The following IGF2BP1 variants were observed in gnomAD, a reference collection of about 807,000 sequenced individuals.
IGF2BP1 encodes insulin-like growth factor 2 mRNA-binding protein 1.
In IGF2BP1, 11 loss-of-function variants were observed where a neutral mutation model predicts 74.9. That is an observed-to-expected ratio of 0.15 (90% CI 0.09 to 0.24). The LOEUF (loss-of-function observed/expected upper bound fraction) is 0.24. Ranked by LOEUF, IGF2BP1 falls within the 10% of genes least tolerant of loss-of-function variation. The pLI, the probability that IGF2BP1 is intolerant of heterozygous loss-of-function variation, is 1.00. For missense variants in IGF2BP1, 440 were observed against 757.4 expected (o/e 0.58, Z 4.92); for synonymous variants, 287 against 281.8 (o/e 1.02, Z -0.18).
At position 49,055,062 on chromosome 17, in the gene IGF2BP1, C is replaced by G. The variant is rs2144188500; in HGVS notation, c.*5618C>G. On this transcript the variant is annotated 3_prime_UTR_variant, in exon 15 of 15. Transcript: ENST00000290341. ...AATTAGGTAGTGGCAGCTCCACTTG[C>G]TTAGGTTAGGGGGGGAAAAAGATTT... The G allele has an allele frequency of 7.0e-6, 1 of 142,922 alleles. No individual in the cohort carries two copies. Among genetic ancestry groups the G allele is most frequent in the African/African-American group, 2.6e-5 (1 of 38,024 alleles). The allele number at this position is 142,922 out of a possible 1,614,324, so 8.9% of individuals were successfully genotyped here.
intron 4 of IGF2BP1, among the ~76,000 whole-genome samples, chr17:49,028,411 C>A (rs1352975206): frequency 6.6e-6 from 1 of 152,194 alleles, no homozygotes; most frequent in Admixed American, 6.5e-5. Context: ...ATCTATCAAA[C>A]ACATTCTAAC....
At chr17:49,022,393 T>TC (rs1485635514) in intron 2 of IGF2BP1, among the ~76,000 whole-genome samples, 2 of 152,194 alleles carry the variant, frequency 1.3e-5, no homozygotes, top group Non-Finnish European at 2.9e-5. Context: ...CTTCACGGCC[T>TC]CTGTGCCTCC....
Position 49,023,134 on chromosome 17 carries a change from C to G in IGF2BP1, c.237-2484C>G, listed in dbSNP as rs144140951. On this transcript the variant is annotated intron_variant, in intron 2 of 14. Coordinates refer to ENST00000290341, the MANE Select transcript of IGF2BP1 (RefSeq NM_006546.4). Reference sequence around the variant, plus strand: ...TCATCGAATGAGTTCTAGGAAATTCCTCACAAGGGTAGATGTGGGGGTTCC... The same window carrying G: ...TCATCGAATGAGTTCTAGGAAATTCGTCACAAGGGTAGATGTGGGGGTTCC... Among the ~76,000 whole-genome samples, 324 of 152,324 alleles carry G rather than the reference C, an allele frequency of 2.1e-3. 1 individual carries two copies. The highest frequency in any genetic ancestry group is 7.4e-3 in the African/African-American group (307 of 41,574).
At chr17:49,001,808 T>G (rs988612818) in intron 2 of IGF2BP1, among the ~76,000 whole-genome samples, 1 of 152,126 alleles carries the variant, frequency 6.6e-6, no homozygotes, top group African/African-American at 2.4e-5. Flanking sequence ...GGAAAGGGCT[T>G]GTATATGTTT....
chr17:49,025,575 G>A (rs185867697), intron 2 of IGF2BP1, 43 bp from the exon 3 acceptor site: 3 of 1,579,482 alleles, frequency 1.9e-6, no homozygotes, highest in East Asian at 2.2e-5. Context: ...GACCCCTAAT[G>A]TATTCAGAGC....
rs1179880787 is a variant in IGF2BP1, at chr17:49,053,875, A to T, written c.*4431A>T. The T allele has an allele frequency of 6.6e-6, 1 of 152,652 alleles. No individual in the cohort carries two copies. Among genetic ancestry groups the T allele is most frequent in the African/African-American group, 2.4e-5 (1 of 41,448 alleles). 9.5% of individuals were successfully genotyped at this position (152,652 alleles called of 1,614,324 possible). On this transcript the variant is annotated 3_prime_UTR_variant, in exon 15 of 15. Transcript: ENST00000290341. ...GAGATCCTAGTGGCTTTGCCATTCA[A>T]ACCACTCGACTGTTTGCCTGTTTCT...
intron 2 of IGF2BP1, among the ~76,000 whole-genome samples, chr17:49,011,904 ATTTTTTT>A (rs68074534): frequency 8.0e-6 from 1 of 124,634 alleles, no homozygotes; most frequent in Admixed American, 8.7e-5. Context: ...AAGAAAATTG[ATTTTTTT>A]TTTTTTTTTT....
At chr17:49,009,728 G>A (rs895677945) in intron 2 of IGF2BP1, among the ~76,000 whole-genome samples, 2 of 150,694 alleles carry the variant, frequency 1.3e-5, no homozygotes, top group African/African-American at 2.4e-5. Context: ...AAATTTAATC[G>A]TAAAATATGC....
rs1338739237 is a variant in IGF2BP1, at chr17:49,054,669, G to A, written c.*5225G>A. On this transcript the variant is annotated 3_prime_UTR_variant, in exon 15 of 15. Coordinates refer to ENST00000290341, the MANE Select transcript of IGF2BP1 (RefSeq NM_006546.4). Reference sequence around the variant, plus strand: ...AGGAATGGCCTCTTCCCTTCTAGAGGGGGCTGGCTGGAGTGAGACCTGGGG... The same window carrying A: ...AGGAATGGCCTCTTCCCTTCTAGAGAGGGCTGGCTGGAGTGAGACCTGGGG... 6.6e-6 allele frequency: 1 copy of A among 152,392 alleles called. No homozygotes were observed. The highest frequency in any genetic ancestry group is 1.5e-5 in the Non-Finnish European group (1 of 68,216). The allele number at this position is 152,392 out of a possible 1,614,324, so 9.4% of individuals were successfully genotyped here.
chr17:49,018,345 T>C (rs879107011), intron 2 of IGF2BP1, among the ~76,000 whole-genome samples: 1 of 152,202 alleles, frequency 6.6e-6, no homozygotes, highest in Non-Finnish European at 1.5e-5. Context: ...GTTTGAAACA[T>C]GTTTGTTGCT....
chr17:49,026,760 CCTTCCTGT>C (rs1160169047), intron 4 of IGF2BP1, among the ~76,000 whole-genome samples: 1 of 146,738 alleles, frequency 6.8e-6, no homozygotes, highest in Non-Finnish European at 1.5e-5. Flanking sequence ...TGCCTTCCTG[CCTTCCTGT>C]CTATCTTGCT....
intron 2 of IGF2BP1, among the ~76,000 whole-genome samples, chr17:49,019,896 T>G (rs2144018721): frequency 9.4e-6 from 1 of 106,848 alleles, no homozygotes; most frequent in Non-Finnish European, 1.9e-5. Context: ...GGTGCACACC[T>G]GGCTAATTTA....
chr17:49,051,420 G>A lies in IGF2BP1; in HGVS notation c.*1976G>A, dbSNP rs568282293. ...GCCCAGGTTTGAGAGAGCCCAGAGG[G>A]GCAGAGCCCAGAGCCTTGTTTGGCC... is the stretch of plus-strand genomic sequence containing the variant. On this transcript the variant is annotated 3_prime_UTR_variant, in exon 15 of 15. Coordinates refer to ENST00000290341, the MANE Select transcript of IGF2BP1 (RefSeq NM_006546.4). 1 of 152,670 alleles carries A rather than the reference G, an allele frequency of 6.6e-6. No individual in the cohort carries two copies. Among genetic ancestry groups the A allele is most frequent in the South Asian group, 2.1e-4 (1 of 4,832 alleles). 9.5% of individuals were successfully genotyped at this position (152,670 alleles called of 1,614,324 possible).
Position 49,049,649 on chromosome 17 carries a change from T to C in IGF2BP1, c.*205T>C. The C allele has an allele frequency of 3.8e-6, 2 of 531,456 alleles. No homozygotes were observed. The highest frequency in any genetic ancestry group is 6.7e-6 in the Non-Finnish European group (2 of 296,932). The allele number at this position is 531,456 out of a possible 1,614,324, so 32.9% of individuals were successfully genotyped here. On this transcript the variant is annotated 3_prime_UTR_variant, in exon 15 of 15. Transcript: ENST00000290341. ...AACACCCACCCAATTGGCCCAACAC[T>C]GTCTGCCCCTCGGGGTGTCAGAAAT... is the stretch of plus-strand genomic sequence containing the variant.
chr17:49,049,084 A>G (rs1482177373), intron 14 of IGF2BP1, among the ~76,000 whole-genome samples: 2 of 152,030 alleles, frequency 1.3e-5, no homozygotes, highest in Non-Finnish European at 2.9e-5. Context: ...GATTGATACT[A>G]CTGTTTCTCC....
chr17:48,997,198 G>C (rs565335240), upstream of IGF2BP1, among the ~76,000 whole-genome samples: 34 of 152,122 alleles, frequency 2.2e-4, no homozygotes, highest in African/African-American at 8.2e-4. The surrounding 1 kb of genome is among the most constrained non-coding windows in gnomAD (Gnocchi z 4.8). Flanking sequence ...GGCCTGTAGA[G>C]CTTCAGGGAC....
At chr17:49,035,465 C>T (rs887624433) in intron 5 of IGF2BP1, among the ~76,000 whole-genome samples, 1 of 152,236 alleles carries the variant, frequency 6.6e-6, no homozygotes, top group Non-Finnish European at 1.5e-5. Flanking sequence ...TGTCCTAATT[C>T]AGTTATCTTT....
chr17:49,044,670 C>T (rs1016576698), intron 11 of IGF2BP1, among the ~76,000 whole-genome samples: 4 of 152,248 alleles, frequency 2.6e-5, no homozygotes, highest in South Asian at 2.1e-4. Context: ...GCCCTCTATC[C>T]GTTGGTCATT....
chr17:48,998,411 C>T (rs2041436392), intron 1 of IGF2BP1, among the ~76,000 whole-genome samples: 1 of 152,240 alleles, frequency 6.6e-6, no homozygotes, highest in Non-Finnish European at 1.5e-5. Flanking sequence ...GGAATGCAGC[C>T]CTCCAGCAGG....
Sources: allele counts gnomAD v4.1 joint callset (sites outside exome capture counted in the v4.1 genomes callset), GRCh38; gene constraint gnomAD v4.1.1; non-coding constraint Gnocchi (gnomAD v3.1); transcripts MANE v1.5; gene names NCBI Gene and HGNC (gene_info 2026-07-23, HGNC 2026-07-21).